Variants in STXBP4 observed in about 807,000 individuals in gnomAD.
The protein encoded by STXBP4 is syntaxin binding protein 4, also known as syntaxin-binding protein 4.
A neutral mutation model predicts 76.1 loss-of-function variants in STXBP4; 55 were observed. That is an observed-to-expected ratio of 0.72 (90% confidence interval 0.58 to 0.91). STXBP4 has a LOEUF of 0.91. Ranked by LOEUF, STXBP4 falls within the 40% of genes least tolerant of loss-of-function variation. The probability of loss-of-function intolerance (pLI) is 0.00; values close to 1 mark genes in which losing one functional copy is unlikely to be tolerated. For missense variants in STXBP4, 618 were observed against 636.9 expected (o/e 0.97, Z 0.32); for synonymous variants, 201 against 220.2 (o/e 0.91, Z 0.77).
chr17:55,034,383 A>G (rs1437135210), intron 10 of STXBP4, 124 bp downstream of exon 10: 4 of 549,724 alleles, frequency 7.3e-6, no homozygotes, highest in South Asian at 4.9e-5. Flanking sequence ...GGATAAATAT[A>G]TAAATACAAA....
intron 16 of STXBP4, among the ~76,000 whole-genome samples, chr17:55,119,306 G>T (rs1015041527): frequency 2.6e-5 from 4 of 152,026 alleles, no homozygotes; most frequent in African/African-American, 9.7e-5. Flanking sequence ...CAAAGAAAAA[G>T]TTGTTTCTAC....
chr17:55,090,268 T>C (rs2079394314), intron 16 of STXBP4, among the ~76,000 whole-genome samples: 2 of 152,006 alleles, frequency 1.3e-5, no homozygotes, highest in Non-Finnish European at 1.5e-5. Context: ...CTTGATCCTT[T>C]AGAAAGTGGA....
intron 16 of STXBP4, among the ~76,000 whole-genome samples, chr17:55,103,477 C>G (rs956584896): frequency 1.3e-5 from 2 of 151,418 alleles, no homozygotes; most frequent in Admixed American, 1.3e-4. Context: ...CTGTTCTGTT[C>G]CATTGGTCTA....
chr17:55,154,092 G>T (rs2080248400), intron 17 of STXBP4, among the ~76,000 whole-genome samples: 1 of 152,090 alleles, frequency 6.6e-6, no homozygotes, highest in Admixed American at 6.6e-5. Flanking sequence ...CTGGTTGATG[G>T]GTGTAGCTTT....
At chr17:55,097,631 C>A (rs528758865) in intron 16 of STXBP4, among the ~76,000 whole-genome samples, 2 of 151,468 alleles carry the variant, frequency 1.3e-5, no homozygotes, top group South Asian at 4.2e-4. Flanking sequence ...CCACTGCACT[C>A]CAGCCTGGGC....
chr17:55,073,197 A>G, intron 13 of STXBP4, 121 bp downstream of exon 13: 2 of 880,118 alleles, frequency 2.3e-6, no homozygotes, highest in African/African-American at 1.7e-5. Flanking sequence ...TCTATTATTC[A>G]ATGATAGGAT....
intron 13 of STXBP4, among the ~76,000 whole-genome samples, chr17:55,076,568 A>G (rs2079184294): frequency 1.3e-5 from 2 of 152,182 alleles, no homozygotes; most frequent in Non-Finnish European, 2.9e-5. Flanking sequence ...TTCCTTCTAT[A>G]TGATTTTAAG....
intron 3 of STXBP4, among the ~76,000 whole-genome samples, chr17:54,988,973 T>C (rs2077669422): frequency 1.3e-5 from 2 of 152,214 alleles, no homozygotes; most frequent in African/African-American, 4.8e-5. Flanking sequence ...GAGTTCTATG[T>C]GCTTTTTAAA....
At chr17:55,131,250 A>G (rs1371488271) in intron 16 of STXBP4, among the ~76,000 whole-genome samples, 2 of 152,138 alleles carry the variant, frequency 1.3e-5, no homozygotes, top group African/African-American at 2.4e-5. Context: ...TTTATTTTGC[A>G]TTTCCCTGAT....
chr17:55,067,713 A>T (rs1456208014), intron 12 of STXBP4, among the ~76,000 whole-genome samples: 1 of 152,162 alleles, frequency 6.6e-6, no homozygotes, highest in African/African-American at 2.4e-5. Flanking sequence ...ACAATAAAGA[A>T]CACAGTAGGC....
chr17:55,157,564 C>T, intron 17 of STXBP4, among the ~76,000 whole-genome samples: 1 of 152,200 alleles, frequency 6.6e-6, no homozygotes, highest in Non-Finnish European at 1.5e-5. Flanking sequence ...AAACCACACT[C>T]TGAGCTTTTG....
At chr17:54,970,002 G>A (rs938169515) in intron 1 of STXBP4, among the ~76,000 whole-genome samples, 1 of 152,192 alleles carries the variant, frequency 6.6e-6, no homozygotes, top group Non-Finnish European at 1.5e-5. Context: ...TTGAAGAGGT[G>A]ACATTTGAGT....
intron 4 of STXBP4, 93 bp from the exon 5 acceptor site, chr17:54,999,252 C>A (rs2077866447): frequency 1.2e-5 from 12 of 997,472 alleles, no homozygotes; most frequent in Non-Finnish European, 1.8e-5. Context: ...TGAAGGCATT[C>A]TTCACGAAAA....
At chr17:55,092,797 T>C (rs540502570) in intron 16 of STXBP4, among the ~76,000 whole-genome samples, 94 of 152,300 alleles carry the variant, frequency 6.2e-4, no homozygotes, top group Admixed American at 9.8e-4. Context: ...AAGGCCTTGA[T>C]GGGATTTATC....
At chr17:55,135,507 A>G (rs530130317) in intron 16 of STXBP4, among the ~76,000 whole-genome samples, 1 of 152,266 alleles carries the variant, frequency 6.6e-6, no homozygotes, top group African/African-American at 2.4e-5. Flanking sequence ...CAGAAAATAT[A>G]TACATTTTTT....
chr17:55,162,998 A>G lies in STXBP4; in HGVS notation c.*3087A>G, dbSNP rs1422106812. 2.0e-5 allele frequency: 3 copies of G among 152,176 alleles called. No homozygotes were observed. Among genetic ancestry groups the G allele is most frequent in the African/African-American group, 7.2e-5 (3 of 41,450 alleles). 9.4% of individuals were successfully genotyped at this position (152,176 alleles called of 1,614,324 possible). A position where few individuals can be genotyped will look rare whatever the true frequency, so the allele number is the denominator to read the frequency against. On this transcript the variant is annotated 3_prime_UTR_variant, in exon 18 of 18. Coordinates refer to ENST00000376352, the MANE Select transcript of STXBP4 (RefSeq NM_178509.6). ...ATTCATTAAATCCTTTTCCTCATGT[A>G]TCTTTGCACTCTTGTGCTAGTATGT... is the stretch of plus-strand genomic sequence containing the variant.
chr17:55,106,072 T>C (rs1224290627), intron 16 of STXBP4, among the ~76,000 whole-genome samples: 1 of 152,158 alleles, frequency 6.6e-6, no homozygotes, highest in Non-Finnish European at 1.5e-5. Flanking sequence ...AGTCTCCCAC[T>C]GTTATTGTGT....
intron 10 of STXBP4, among the ~76,000 whole-genome samples, chr17:55,035,546 T>C (rs1170508845): frequency 1.3e-5 from 2 of 152,022 alleles, no homozygotes; most frequent in East Asian, 3.9e-4. Context: ...TTAAATGAAT[T>C]AAAATGATTT....
At chr17:54,995,692 T>C (rs1598173595) in intron 4 of STXBP4, among the ~76,000 whole-genome samples, 1 of 152,342 alleles carries the variant, frequency 6.6e-6, no homozygotes, top group Non-Finnish European at 1.5e-5. Flanking sequence ...CTAAGGCTTT[T>C]AGATAAATAT....
Sources: gnomAD v4.1 joint callset for allele counts (sites outside exome capture counted in the v4.1 genomes callset) on GRCh38, gnomAD v4.1.1 for gene constraint, MANE v1.5 for transcripts, NCBI Gene and HGNC (gene_info 2026-07-23, HGNC 2026-07-21) for gene names.